The following CFDP1 variants were observed in gnomAD, a reference collection of about 807,000 sequenced individuals.
CFDP1 encodes the protein chromatin remodeling protein CFDP1.
Under a neutral mutation model 40.1 loss-of-function variants are expected in CFDP1, and 31 were observed. That is an observed-to-expected ratio of 0.77 (90% CI 0.58 to 1.04). The LOEUF is 1.04. Ranked by LOEUF, CFDP1 falls within the 50% of genes least tolerant of loss-of-function variation. CFDP1 has a pLI of 0.00. For synonymous variants in CFDP1, 167 were observed against 120.0 expected, an observed-to-expected ratio of 1.39 and a Z score of -2.56; for missense variants, 423 against 343.4, an observed-to-expected ratio of 1.23 and a Z score of -1.83.
chr16:75,409,684 A>G (rs993521890), intron 4 of CFDP1, among the ~76,000 whole-genome samples: 1 of 152,130 alleles, frequency 6.6e-6, no homozygotes, highest in Non-Finnish European at 1.5e-5. Context: ...CTAAAGTATT[A>G]AAGGCTGATG....
chr16:75,431,475 A>AAAC lies in CFDP1; in HGVS notation c.64+1813_64+1814insGTT, dbSNP rs2079416336. 2.7e-5 allele frequency among the ~76,000 whole-genome samples: 4 copies of AAAC among 146,176 alleles called. No homozygotes were observed. In the Admixed American group the frequency reaches 2.7e-4, roughly 10 times the overall value. On this transcript the variant is annotated intron_variant, in intron 1 of 6. Transcript: ENST00000283882. ...GTCTCAAAAAAAAAAAAAAAAAAAA[A>AAAC]AAGAAAAGAAAAGAAAATCGATCGG...
rs571014292 is a variant in CFDP1 at position 75,430,861 on chromosome 16, T to C, written c.64+2428A>G. Among the ~76,000 whole-genome samples, 9 of 152,278 alleles carry C rather than the reference T, an allele frequency of 5.9e-5. No homozygotes were observed. The South Asian group carries it at 1.9e-3, about 32-fold the overall frequency. On this transcript the variant is annotated intron_variant, in intron 1 of 6. Coordinates refer to ENST00000283882, the MANE Select transcript of CFDP1 (RefSeq NM_006324.3). ...TTATCAGACTTAAAGTCTGCATCGATGTTAATGTCAGAGACATACAATGAG... is the reference window on the plus strand; with the variant it reads ...TTATCAGACTTAAAGTCTGCATCGACGTTAATGTCAGAGACATACAATGAG...
intron 1 of CFDP1, among the ~76,000 whole-genome samples, chr16:75,420,708 A>G (rs935465179): frequency 6.6e-6 from 1 of 152,250 alleles, no homozygotes; most frequent in African/African-American, 2.4e-5. Context: ...TAAAAAGAGT[A>G]GGTTGAAAAG....
At chr16:75,405,969 T>C (rs2079095904) in intron 4 of CFDP1, among the ~76,000 whole-genome samples, 2 of 150,962 alleles carry the variant, frequency 1.3e-5, no homozygotes, top group African/African-American at 4.9e-5. Flanking sequence ...TGGTCAGACA[T>C]GGTGGCTCAC....
intron 1 of CFDP1, among the ~76,000 whole-genome samples, chr16:75,421,863 C>G (rs954146188): frequency 6.6e-6 from 1 of 152,126 alleles, no homozygotes; most frequent in Non-Finnish European, 1.5e-5. Flanking sequence ...CCACCCCACA[C>G]CAAAACCCAC....
intron 4 of CFDP1, among the ~76,000 whole-genome samples, chr16:75,399,579 A>T (rs1252162578): frequency 6.6e-6 from 1 of 152,130 alleles, no homozygotes; most frequent in Non-Finnish European, 1.5e-5. Context: ...GAGTCTCACC[A>T]TGTTGCCTGG....
chr16:75,307,414 G>C (rs2078266243), intron 5 of CFDP1, among the ~76,000 whole-genome samples: 1 of 151,870 alleles, frequency 6.6e-6, no homozygotes, highest in African/African-American at 2.4e-5. Context: ...ACGGGGTTTT[G>C]CCATGTTGGG....
intron 5 of CFDP1, among the ~76,000 whole-genome samples, chr16:75,349,808 C>T (rs2078598070): frequency 6.8e-6 from 1 of 147,234 alleles, no homozygotes; most frequent in African/African-American, 2.5e-5. Flanking sequence ...GGATTTTCTC[C>T]ATATTAGAGC....
At chr16:75,401,717 G>C (rs2079056181) in intron 4 of CFDP1, among the ~76,000 whole-genome samples, 1 of 152,062 alleles carries the variant, frequency 6.6e-6, no homozygotes, top group Admixed American at 6.6e-5. Flanking sequence ...GTAGCCTCTA[G>C]GTAATGCATG....
At chr16:75,361,961 C>G (rs1328629743) in intron 5 of CFDP1, among the ~76,000 whole-genome samples, 1 of 152,156 alleles carries the variant, frequency 6.6e-6, no homozygotes, top group Non-Finnish European at 1.5e-5. Context: ...AGCAAAAGAG[C>G]CTGTCTTGAC....
At chr16:75,328,843 G>C (rs1001626544) in intron 5 of CFDP1, among the ~76,000 whole-genome samples, 7 of 144,518 alleles carry the variant, frequency 4.8e-5, no homozygotes, top group African/African-American at 1.8e-4. Flanking sequence ...CATGCTCAGC[G>C]AATTTTTTTT....
At chr16:75,379,194 C>A (rs2078831207) in intron 5 of CFDP1, among the ~76,000 whole-genome samples, 1 of 150,008 alleles carries the variant, frequency 6.7e-6, no homozygotes, top group Non-Finnish European at 1.5e-5. Flanking sequence ...AAAAAAAGAG[C>A]AATATATAGG....
chr16:75,294,843 C>CCCT (rs1161630961), intron 6 of CFDP1, among the ~76,000 whole-genome samples: 1 of 152,136 alleles, frequency 6.6e-6, no homozygotes, highest in Non-Finnish European at 1.5e-5. Flanking sequence ...AGCAAACTTT[C>CCCT]CCTCTGTCCT....
intron 1 of CFDP1, among the ~76,000 whole-genome samples, chr16:75,416,099 G>C (rs554459298): frequency 5.3e-5 from 8 of 152,020 alleles, no homozygotes; most frequent in African/African-American, 1.9e-4. Context: ...TGATCCAGCC[G>C]CCTTGGCCTC....
At chr16:75,410,055 C>CAAAAAAAAAA (rs150987819) in intron 4 of CFDP1, among the ~76,000 whole-genome samples, 3 of 52,542 alleles carry the variant, frequency 5.7e-5, no homozygotes, top group Non-Finnish European at 6.2e-5. Context: ...GACCCTTTCT[C>CAAAAAAAAAA]AAAAAAAAAA....
chr16:75,430,396 C>G (rs2079397549), intron 1 of CFDP1, among the ~76,000 whole-genome samples: 1 of 152,034 alleles, frequency 6.6e-6, no homozygotes, highest in South Asian at 2.1e-4. Flanking sequence ...GTCTCCAACT[C>G]CTGACCTCAG....
chr16:75,420,360 T>A (rs1336504510), intron 1 of CFDP1, among the ~76,000 whole-genome samples: 1 of 152,156 alleles, frequency 6.6e-6, no homozygotes, highest in Admixed American at 6.5e-5. Context: ...AAGTATTTCA[T>A]TGGAACCCAT....
chr16:75,345,472 CA>C (rs138612229), intron 5 of CFDP1, among the ~76,000 whole-genome samples: 1 of 149,846 alleles, frequency 6.7e-6, no homozygotes, highest in South Asian at 2.1e-4. Flanking sequence ...CAAAACAAAA[CA>C]AAAAAAAACA....
At chr16:75,420,204 G>C (rs1312816751) in intron 1 of CFDP1, among the ~76,000 whole-genome samples, 2 of 150,186 alleles carry the variant, frequency 1.3e-5, no homozygotes, top group South Asian at 2.1e-4. Context: ...AGTTCTAAAA[G>C]TTCCAAAGGA....
Sources: gnomAD v4.1 joint callset for allele counts (sites outside exome capture counted in the v4.1 genomes callset) on GRCh38, gnomAD v4.1.1 for gene constraint, MANE v1.5 for transcripts, NCBI Gene and HGNC (gene_info 2026-07-23, HGNC 2026-07-21) for gene names.